STS: variants seen among roughly 807,000 people sequenced by gnomAD.
The protein encoded by STS is steroid sulfatase, also known as steryl-sulfatase.
Under a neutral mutation model 26.8 loss-of-function variants are expected in STS, and 7 were observed. The ratio of observed to expected loss-of-function variants is 0.26; its 90% CI spans 0.15 to 0.49. The LOEUF is 0.49. Among genes scored for constraint, STS ranks in the 20% least tolerant of loss-of-function variants. The pLI, the probability that STS is intolerant of heterozygous loss-of-function variation, is 0.98. For synonymous variants in STS, 199 were observed against 189.4 expected (o/e 1.05, Z -0.42); for missense variants, 434 against 465.6 (o/e 0.93, Z 0.63).
intron 1 of STS, among the ~76,000 whole-genome samples, chrX:7,153,057 T>A (rs770674335): frequency 3.6e-5 from 4 of 111,908 alleles, no homozygotes; most frequent in Non-Finnish European, 5.6e-5. Flanking sequence ...GACCTTACCA[T>A]GCATTCGAAT....
chrX:7,156,566 C>T lies in STS; in HGVS notation c.-134+8483C>T, dbSNP rs72609593. 2.7e-4 allele frequency among the ~76,000 whole-genome samples: 30 copies of T among 111,608 alleles called. 1 individual carries two copies. In the East Asian group the frequency reaches 7.9e-3, roughly 29 times the overall value. ...AGTCAATTTCCTAGGGCCATTTAAA[C>T]CACTCTGAAAGAATCTTAGAGGCAA... On this transcript the variant is annotated intron_variant, in intron 1 of 10. Coordinates refer to ENST00000674429, the MANE Select transcript of STS (RefSeq NM_001320752.2).
intron 1 of STS, among the ~76,000 whole-genome samples, chrX:7,181,382 A>G (rs1056424630): frequency 7.7e-4 from 87 of 112,790 alleles, no homozygotes; most frequent in African/African-American, 2.6e-3. Context: ...CGAAGCTGTC[A>G]TTATGAACAC....
At chrX:7,323,370 C>G (rs761160221) in intron 8 of STS, among the ~76,000 whole-genome samples, 10 of 110,623 alleles carry the variant, frequency 9.0e-5, no homozygotes, top group Non-Finnish European at 1.7e-4. Flanking sequence ...ACTCCTTGAC[C>G]TCCTCCCTCT....
chrX:7,309,920 G>A (rs1926401971), intron 8 of STS, among the ~76,000 whole-genome samples: 1 of 111,761 alleles, frequency 8.9e-6, no homozygotes, highest in South Asian at 3.7e-4. Flanking sequence ...TATAATTCTG[G>A]TCAAAGTTTA....
At chrX:7,284,636 C>A (rs1403178936) in intron 7 of STS, among the ~76,000 whole-genome samples, 1 of 112,161 alleles carries the variant, frequency 8.9e-6, no homozygotes, top group African/African-American at 3.2e-5. Flanking sequence ...TTTAAACATG[C>A]GCTTCATAGA....
chrX:7,154,479 A>G (rs1173363835), intron 1 of STS, among the ~76,000 whole-genome samples: 1 of 112,525 alleles, frequency 8.9e-6, no homozygotes, highest in Non-Finnish European at 1.9e-5. Flanking sequence ...TGTACTTACA[A>G]CTTTATAAAT....
chrX:7,343,396 T>C (rs917080478), intron 10 of STS, among the ~76,000 whole-genome samples: 13 of 112,548 alleles, frequency 1.2e-4, no homozygotes, highest in Non-Finnish European at 1.9e-4. Flanking sequence ...CTGAATTGTT[T>C]CTTGCGTAAA....
intron 1 of STS, among the ~76,000 whole-genome samples, chrX:7,165,552 A>G (rs968465825): frequency 7.2e-5 from 8 of 111,420 alleles, no homozygotes; most frequent in African/African-American, 2.6e-4. Context: ...AGGCTGAAGT[A>G]GGAGGATCCC....
intron 2 of STS, among the ~76,000 whole-genome samples, chrX:7,240,525 GTGTGTGTGTA>G (rs1380993271): frequency 1.5e-4 from 5 of 32,506 alleles, no homozygotes; most frequent in African/African-American, 3.4e-4. Flanking sequence ...GTGTGTGTGT[GTGTGTGTGTA>G]TATATATATA....
At chrX:7,282,947 C>T (rs1924945427) in intron 7 of STS, among the ~76,000 whole-genome samples, 1 of 111,799 alleles carries the variant, frequency 8.9e-6, no homozygotes, top group Admixed American at 9.5e-5. Flanking sequence ...ACCTGTGACC[C>T]ACAATTTATC....
intron 3 of STS, 117 bp downstream of exon 3, chrX:7,253,453 A>T: frequency 9.9e-7 from 1 of 1,008,692 alleles, no homozygotes. Context: ...AACCCTCCAA[A>T]CCATGCCTGG....
chrX:7,205,739 G>A (rs1447657639), intron 2 of STS, among the ~76,000 whole-genome samples: 2 of 104,568 alleles, frequency 1.9e-5, no homozygotes, highest in Non-Finnish European at 3.9e-5. Context: ...TCTTCCTCCT[G>A]GGCTCAAGTG....
intron 1 of STS, among the ~76,000 whole-genome samples, chrX:7,162,058 C>G (rs1933255986): frequency 8.9e-6 from 1 of 112,093 alleles, no homozygotes; most frequent in Non-Finnish European, 1.9e-5. Flanking sequence ...CCCTTAAAAG[C>G]TTGAATAAAA....
chrX:7,262,300 C>T (rs1384413930), intron 6 of STS, among the ~76,000 whole-genome samples: 5 of 111,618 alleles, frequency 4.5e-5, no homozygotes, highest in African/African-American at 1.6e-4. Context: ...TCTTGTGGTT[C>T]TGTCATCTCA....
At chrX:7,287,975 A>G (rs1925217499) in intron 7 of STS, among the ~76,000 whole-genome samples, 1 of 109,966 alleles carries the variant, frequency 9.1e-6, no homozygotes, top group Admixed American at 9.7e-5. Context: ...GAAAAATGCT[A>G]GTTCACTATT....
intron 7 of STS, among the ~76,000 whole-genome samples, chrX:7,302,890 G>A (rs1926037988): frequency 9.0e-6 from 1 of 111,513 alleles, no homozygotes; most frequent in South Asian, 3.8e-4. Context: ...AATATCAGTT[G>A]TTGTGGACAT....
intron 6 of STS, among the ~76,000 whole-genome samples, chrX:7,271,815 A>G (rs1924287104): frequency 9.3e-6 from 1 of 107,766 alleles, no homozygotes; most frequent in Admixed American, 1.0e-4. Flanking sequence ...GGGGTACCTA[A>G]TTTGCCACCA....
At chrX:7,324,930 C>G (rs1321366877) in intron 8 of STS, among the ~76,000 whole-genome samples, 1 of 111,534 alleles carries the variant, frequency 9.0e-6, no homozygotes, top group Non-Finnish European at 1.9e-5. Flanking sequence ...TACCCATTTC[C>G]CCAGGCTCCA....
chrX:7,147,967 C>T lies in STS; in HGVS notation c.-250C>T. The T allele has an allele frequency of 1.4e-6, 1 of 739,857 alleles. No individual in the cohort carries two copies. The highest frequency in any genetic ancestry group is 4.4e-5 in the East Asian group (1 of 22,914). The allele number at this position is 739,857 out of a possible 1,213,427, so 61.0% of individuals were successfully genotyped here. On this transcript the variant is annotated 5_prime_UTR_variant, in exon 1 of 11. Coordinates refer to ENST00000674429, the MANE Select transcript of STS (RefSeq NM_001320752.2). ...GCATGAACACCGCCCCGCCGCGGCC[C>T]CCAGGCCGTGACGTACCCCGCGCCG...
Sources: allele counts gnomAD v4.1 joint callset (sites outside exome capture counted in the v4.1 genomes callset), GRCh38; gene constraint gnomAD v4.1.1; transcripts MANE v1.5; gene names NCBI Gene and HGNC (gene_info 2026-07-23, HGNC 2026-07-21).